The following DOCK3 variants were observed in gnomAD, a reference collection of about 807,000 sequenced individuals.
DOCK3 encodes dedicator of cytokinesis protein 3.
DOCK3 carries 60 observed loss-of-function variants against 265.6 expected under a neutral mutation model. The observed-to-expected ratio is 0.23, with a 90% CI of 0.18 to 0.28. DOCK3 has a LOEUF of 0.28. DOCK3 is among the 10% of genes least tolerant of loss of function. The pLI, the probability that DOCK3 is intolerant of heterozygous loss-of-function variation, is 1.00. For synonymous variants in DOCK3, 881 were observed against 938.0 expected, an observed-to-expected ratio of 0.94 and a Z score of 1.11; for missense variants, 1,981 against 2,594.3, an observed-to-expected ratio of 0.76 and a Z score of 5.14.
At chr3:50,724,045 A>G (rs1453320616) in intron 1 of DOCK3, among the ~76,000 whole-genome samples, 1 of 152,232 alleles carries the variant, frequency 6.6e-6, no homozygotes, top group Non-Finnish European at 1.5e-5. Flanking sequence ...ATATGAAAAG[A>G]CACTTCTCAA....
chr3:50,711,662 G>C lies in DOCK3; in HGVS notation c.37+36362G>C, dbSNP rs1029617121. Among the ~76,000 whole-genome samples, 3 of 152,098 alleles carry C rather than the reference G, an allele frequency of 2.0e-5. No homozygotes were observed. The South Asian group carries it at 6.2e-4, about 32-fold the overall frequency. ...AGTTTTTGTTTGATGTCTTTGTCTT[G>C]TTCTGATATTAGGGTAATACTGGCC... On this transcript the variant is annotated intron_variant, in intron 1 of 52. Transcript: ENST00000266037.
At chr3:51,137,463 G>T (rs1019525506) in intron 9 of DOCK3, among the ~76,000 whole-genome samples, 1 of 152,142 alleles carries the variant, frequency 6.6e-6, no homozygotes, top group African/African-American at 2.4e-5. Flanking sequence ...ATGTACCCTC[G>T]TTGAGGATAA....
At chr3:51,250,781 G>C (rs1220066652) in intron 22 of DOCK3, among the ~76,000 whole-genome samples, 1 of 152,152 alleles carries the variant, frequency 6.6e-6, no homozygotes, top group African/African-American at 2.4e-5. Context: ...TAACAGTTAG[G>C]GAGTGAGCAC....
At chr3:50,720,578 G>C (rs559202170) in intron 1 of DOCK3, among the ~76,000 whole-genome samples, 1 of 152,244 alleles carries the variant, frequency 6.6e-6, no homozygotes, top group African/African-American at 2.4e-5. Context: ...TTTTGCTATT[G>C]TGAATAGTGC....
chr3:51,059,165 A>G (rs533055129), intron 5 of DOCK3, among the ~76,000 whole-genome samples: 1 of 152,216 alleles, frequency 6.6e-6, no homozygotes, highest in African/African-American at 2.4e-5. Flanking sequence ...CCACTTGTAA[A>G]TGAGAACATA....
At chr3:51,349,467 G>A (rs2085824399) in intron 39 of DOCK3, among the ~76,000 whole-genome samples, 2 of 152,170 alleles carry the variant, frequency 1.3e-5, no homozygotes, top group African/African-American at 4.8e-5. Flanking sequence ...GCAAAAAAGA[G>A]GCTAGCAGTC....
intron 5 of DOCK3, among the ~76,000 whole-genome samples, chr3:51,034,132 G>GT (rs1374312215): frequency 2.0e-5 from 3 of 152,054 alleles, no homozygotes; most frequent in Non-Finnish European, 2.9e-5. Context: ...TTGATGTATA[G>GT]TTTTTTCATA....
rs2084642957 is a variant in DOCK3, at chr3:51,333,192, G to GTCT, written c.3550_3551insTCT (p.Glu1184delinsValTer). 6.2e-7 allele frequency: 1 copy of GTCT among 1,613,784 alleles called. No individual in the cohort carries two copies. Among genetic ancestry groups the GTCT allele is most frequent in the Non-Finnish European group, 8.5e-7 (1 of 1,179,916 alleles). On this transcript the variant is annotated stop_gained and protein_altering_variant, in exon 35 of 53. Coordinates refer to ENST00000266037, the MANE Select transcript of DOCK3 (RefSeq NM_004947.5). LOFTEE classifies it high-confidence loss of function. ...GAAGGTTGAACAAGAAACATGGCGC[G>GTCT]AGACCGGCATTTCCTTTGTGACCTC...
At chr3:51,175,915 G>T (rs568245827) in intron 12 of DOCK3, among the ~76,000 whole-genome samples, 2 of 152,164 alleles carry the variant, frequency 1.3e-5, no homozygotes, top group South Asian at 4.1e-4. Flanking sequence ...ACCATTATCT[G>T]CCATGTCCAT....
intron 39 of DOCK3, among the ~76,000 whole-genome samples, chr3:51,350,074 C>T (rs1210892841): frequency 2.6e-5 from 4 of 152,182 alleles, no homozygotes; most frequent in South Asian, 2.1e-4. Flanking sequence ...GGCCTGTCCC[C>T]ATCCCACCAT....
At chr3:50,961,336 A>G (rs532867960) in intron 5 of DOCK3, among the ~76,000 whole-genome samples, 1 of 152,326 alleles carries the variant, frequency 6.6e-6, no homozygotes, top group African/African-American at 2.4e-5. Context: ...GAAAAATGGT[A>G]AAATATCAAA....
At chr3:51,304,625 C>A (rs2082548920) in intron 27 of DOCK3, among the ~76,000 whole-genome samples, 1 of 152,212 alleles carries the variant, frequency 6.6e-6, no homozygotes, top group South Asian at 2.1e-4. Flanking sequence ...ATCTCCTGAT[C>A]TATGGGTTGC....
rs539946459 is a variant in DOCK3, at chr3:51,233,264, G to A, written c.1918-3081G>A. The stretch of plus-strand genomic sequence containing the variant: ...TTCTTCCAACCCATGAGCACGGAAG[G>A]TTTTTCCATTTGTTTGTGTCATTTA... On this transcript the variant is annotated intron_variant, in intron 19 of 52. Coordinates refer to ENST00000266037, the MANE Select transcript of DOCK3 (RefSeq NM_004947.5). Among the ~76,000 whole-genome samples, 9 of 152,080 alleles carry A rather than the reference G, an allele frequency of 5.9e-5. No homozygotes were observed. The South Asian group carries it at 1.5e-3, about 25-fold the overall frequency.
chr3:50,922,249 G>A (rs554983667), intron 4 of DOCK3, among the ~76,000 whole-genome samples: 68 of 152,342 alleles, frequency 4.5e-4, no homozygotes, highest in African/African-American at 1.5e-3. Context: ...TCAAGCCTCA[G>A]CAATGGCAGA....
intron 5 of DOCK3, among the ~76,000 whole-genome samples, chr3:51,026,711 G>T (rs2079840500): frequency 6.6e-6 from 1 of 151,830 alleles, no homozygotes; most frequent in Admixed American, 6.6e-5. Flanking sequence ...TTCAGTCTTG[G>T]GATGCTGTGT....
At chr3:51,371,775 G>A (rs1368786071) in intron 49 of DOCK3, among the ~76,000 whole-genome samples, 2 of 152,258 alleles carry the variant, frequency 1.3e-5, no homozygotes. Context: ...CTTTGGAAAT[G>A]TCTGAGAGGA....
chr3:50,690,966 A>G (rs1010958306), intron 1 of DOCK3, among the ~76,000 whole-genome samples: 1 of 151,152 alleles, frequency 6.6e-6, no homozygotes, highest in Admixed American at 6.6e-5. Context: ...CGTGATTTTG[A>G]CTATTCTAGA....
chr3:50,773,088 G>T (rs1470370574), intron 1 of DOCK3, among the ~76,000 whole-genome samples: 1 of 152,086 alleles, frequency 6.6e-6, no homozygotes, highest in Non-Finnish European at 1.5e-5. Context: ...CATAAAAACA[G>T]ACACACAGAA....
At chr3:50,764,738 A>G (rs2040757215) in intron 1 of DOCK3, among the ~76,000 whole-genome samples, 1 of 152,154 alleles carries the variant, frequency 6.6e-6, no homozygotes, top group Non-Finnish European at 1.5e-5. Context: ...ACTTGAGCCA[A>G]GGAGTTTGAG....
Sources: gnomAD v4.1 joint callset for allele counts (sites outside exome capture counted in the v4.1 genomes callset) on GRCh38, gnomAD v4.1.1 for gene constraint, MANE v1.5 for transcripts, NCBI Gene and HGNC (gene_info 2026-07-23, HGNC 2026-07-21) for gene names.